Variants in RGS6 observed in about 807,000 individuals in gnomAD.
RGS6 encodes the protein regulator of G-protein signaling 6.
A neutral mutation model predicts 78.5 loss-of-function variants in RGS6; 30 were observed. The observed-to-expected ratio is 0.38, with a 90% CI of 0.29 to 0.52. RGS6 has a LOEUF of 0.52. Ranked by LOEUF, RGS6 falls within the 20% of genes least tolerant of loss-of-function variation. The pLI is 0.85. For synonymous variants in RGS6, 206 were observed against 206.0 expected, an observed-to-expected ratio of 1.00 and a Z score of 0.00; for missense variants, 495 against 609.7, an observed-to-expected ratio of 0.81 and a Z score of 1.98.
chr14:72,281,952 C>T (rs146056512), intron 2 of RGS6, among the ~76,000 whole-genome samples: 128 of 152,226 alleles, frequency 8.4e-4, no homozygotes, highest in African/African-American at 2.7e-3. Flanking sequence ...AGATTTTAAG[C>T]GAGAGTGACA....
intron 2 of RGS6, among the ~76,000 whole-genome samples, chr14:72,021,713 C>G (rs2088614924): frequency 6.6e-6 from 1 of 151,868 alleles, no homozygotes; most frequent in Admixed American, 6.6e-5. Flanking sequence ...CTCAGGTGAG[C>G]CACCCTCCTC....
At chr14:72,626,631 A>G in the RGS6 span, among the ~76,000 whole-genome samples, 1 of 152,124 alleles carries the variant, frequency 6.6e-6, no homozygotes, top group Non-Finnish European at 1.5e-5. Flanking sequence ...GTAATGAACA[A>G]TGCTACCACA....
At chr14:72,178,315 T>A (rs1013168550) in intron 2 of RGS6, among the ~76,000 whole-genome samples, 4 of 152,022 alleles carry the variant, frequency 2.6e-5, no homozygotes, top group African/African-American at 9.7e-5. Flanking sequence ...TCAGAGTGCT[T>A]CCTCCAACCA....
chr14:72,142,340 A>G (rs922167918), intron 2 of RGS6, among the ~76,000 whole-genome samples: 2 of 151,956 alleles, frequency 1.3e-5, no homozygotes, highest in Non-Finnish European at 2.9e-5. Context: ...GAGAGAGATG[A>G]CATCCTTTTT....
At chr14:72,342,282 G>C (rs1010157474) in intron 2 of RGS6, among the ~76,000 whole-genome samples, 7 of 152,128 alleles carry the variant, frequency 4.6e-5, no homozygotes, top group African/African-American at 1.7e-4. Context: ...GAAGCTCCCA[G>C]AGGCCAGGTG....
intron 2 of RGS6, among the ~76,000 whole-genome samples, chr14:71,996,830 AG>A (rs970282534): frequency 2.0e-4 from 31 of 152,258 alleles, no homozygotes; most frequent in Admixed American, 2.0e-3. Flanking sequence ...AGGATGGTAC[AG>A]GGAGGGAGGA....
At chr14:72,525,724 C>G (rs1008170501) in intron 15 of RGS6, among the ~76,000 whole-genome samples, 1 of 152,312 alleles carries the variant, frequency 6.6e-6, no homozygotes, top group Non-Finnish European at 1.5e-5. Flanking sequence ...GGCGGCATTG[C>G]GTGCCAGTAT....
At chr14:72,205,003 C>T (rs2042390135) in intron 2 of RGS6, among the ~76,000 whole-genome samples, 1 of 152,202 alleles carries the variant, frequency 6.6e-6, no homozygotes, top group Admixed American at 6.5e-5. Context: ...GGTGCTTCAG[C>T]AGAGATCACA....
At chr14:72,395,977 G>A (rs1303212794) in intron 3 of RGS6, among the ~76,000 whole-genome samples, 5 of 152,074 alleles carry the variant, frequency 3.3e-5, no homozygotes, top group African/African-American at 1.2e-4. Flanking sequence ...ATTGTGAATA[G>A]TGCCGCAATA....
At chr14:72,573,108 C>G in the RGS6 span, among the ~76,000 whole-genome samples, 1 of 152,284 alleles carries the variant, frequency 6.6e-6, no homozygotes, top group East Asian at 1.9e-4. Context: ...CCAGGTCATC[C>G]CAGAGCGAGT....
the RGS6 span, among the ~76,000 whole-genome samples, chr14:71,868,048 C>A: frequency 1.3e-5 from 2 of 152,164 alleles, no homozygotes; most frequent in Admixed American, 1.3e-4. Context: ...TAGTTACAAC[C>A]AACCAAGGAA....
chr14:72,404,643 C>G lies in RGS6; in HGVS notation c.185-49885C>G, dbSNP rs575235843. The stretch of plus-strand genomic sequence containing the variant: ...TTTCAAAAGATTTCAACTGATGAAC[C>G]AAATTAAAGGACATGTTAGGTATTG... On this transcript the variant is annotated intron_variant, in intron 3 of 17. Transcript: ENST00000553525. 8.5e-5 allele frequency among the ~76,000 whole-genome samples: 13 copies of G among 152,338 alleles called. No individual in the cohort carries two copies. In the South Asian group the frequency reaches 2.7e-3, roughly 32 times the overall value.
chr14:72,343,955 C>T (rs886826), intron 2 of RGS6, among the ~76,000 whole-genome samples: 70,778 of 152,064 alleles, frequency 0.47, 16,822 homozygotes, highest in South Asian at 0.6. Context: ...TGTCCTCATC[C>T]GCACTGTTGC....
intron 2 of RGS6, among the ~76,000 whole-genome samples, chr14:72,349,304 A>G (rs2078675560): frequency 6.6e-6 from 1 of 152,216 alleles, no homozygotes; most frequent in Non-Finnish European, 1.5e-5. Context: ...TTGAAATAAC[A>G]ACTATTCTGA....
intron 2 of RGS6, among the ~76,000 whole-genome samples, chr14:71,974,339 T>C (rs994648823): frequency 6.6e-6 from 1 of 152,210 alleles, no homozygotes; most frequent in African/African-American, 2.4e-5. Flanking sequence ...ATTTTTTTGA[T>C]CAGCATTCTC....
chr14:71,967,571 C>T (rs1176968622), intron 2 of RGS6, among the ~76,000 whole-genome samples: 1 of 152,160 alleles, frequency 6.6e-6, no homozygotes, highest in Non-Finnish European at 1.5e-5. Context: ...TAAACCCAAA[C>T]CTTTCCTTAG....
intron 2 of RGS6, among the ~76,000 whole-genome samples, chr14:72,270,834 A>T (rs995810291): frequency 6.6e-6 from 1 of 152,216 alleles, no homozygotes; most frequent in Non-Finnish European, 1.5e-5. Flanking sequence ...AATGCACCGA[A>T]AGTTAAGTAG....
intron 1 of RGS6, among the ~76,000 whole-genome samples, chr14:71,959,263 C>T (rs1566910976): frequency 1.3e-5 from 2 of 152,078 alleles, no homozygotes; most frequent in South Asian, 2.1e-4. Flanking sequence ...TAAACAAGCT[C>T]GTACTACTGA....
chr14:72,502,742 C>A (rs1399245974), intron 13 of RGS6, among the ~76,000 whole-genome samples: 1 of 151,686 alleles, frequency 6.6e-6, no homozygotes, highest in Non-Finnish European at 1.5e-5. Context: ...CCAGCCTGAG[C>A]GACAGGGTGA....
Sources: allele counts gnomAD v4.1 joint callset (sites outside exome capture counted in the v4.1 genomes callset), GRCh38; gene constraint gnomAD v4.1.1; transcripts MANE v1.5; gene names NCBI Gene and HGNC (gene_info 2026-07-23, HGNC 2026-07-21).